Variants in GNG4 observed in about 807,000 individuals in gnomAD.
GNG4 encodes the protein G protein subunit gamma 4.
GNG4 carries 4 observed loss-of-function variants against 5.8 expected under a neutral mutation model. The observed-to-expected ratio is 0.69, with a 90% CI of 0.34 to 1.57. GNG4 has a LOEUF of 1.57. Among genes scored for constraint, GNG4 ranks in the 40% most tolerant of loss-of-function variants. The pLI is 0.06. For synonymous variants in GNG4, 29 were observed against 32.9 expected, an observed-to-expected ratio of 0.88 and a Z score of 0.41; for missense variants, 96 against 95.1, an observed-to-expected ratio of 1.01 and a Z score of -0.04.
chr1:235,631,487 G>A (rs566318121), intron 1 of GNG4, among the ~76,000 whole-genome samples: 1 of 152,234 alleles, frequency 6.6e-6, no homozygotes, highest in Non-Finnish European at 1.5e-5. Context: ...TGCTCTGAGC[G>A]GAGGCTCGGT....
Position 235,583,748 on chromosome 1 carries a change from T to C in GNG4, c.91A>G (p.Arg31Gly). Reference sequence around the variant, plus strand: ...GACGCATGCATGCTTACCTTGACCCTGTCCATACAGGCTTCCATCTTTAGC... The same window carrying C: ...GACGCATGCATGCTTACCTTGACCCCGTCCATACAGGCTTCCATCTTTAGC... ...EQLKMEACMD[R>G]VKVSQAAADL... The change falls in exon 3 of 4, where the codon AGG (arginine) becomes GGG (glycine). Residue 31 changes from arginine (R) to glycine (G), a missense_variant. By Grantham distance (125) the Arg-to-Gly change is moderately radical. Coordinates refer to ENST00000391854, the MANE Select transcript of GNG4 (RefSeq NM_001098722.2). 6.2e-7 allele frequency: 1 copy of C among 1,608,408 alleles called. No homozygotes were observed. The highest frequency in any genetic ancestry group is 8.5e-7 in the Non-Finnish European group (1 of 1,174,802).
chr1:235,590,521 G>A (rs1400506401), intron 2 of GNG4, among the ~76,000 whole-genome samples: 2 of 152,154 alleles, frequency 1.3e-5, no homozygotes, highest in Admixed American at 6.5e-5. Context: ...TAAAGGAAGA[G>A]ATTCTAATGT....
At chr1:235,598,663 C>T (rs180793898) in intron 1 of GNG4, among the ~76,000 whole-genome samples, 4 of 151,992 alleles carry the variant, frequency 2.6e-5, no homozygotes, top group Non-Finnish European at 5.9e-5. Flanking sequence ...AAGTCAAACC[C>T]CAGGCCCTTT....
intron 1 of GNG4, among the ~76,000 whole-genome samples, chr1:235,628,010 G>A (rs575348390): frequency 5.4e-4 from 82 of 152,090 alleles, no homozygotes; most frequent in Non-Finnish European, 9.0e-4. Context: ...AAGAAACCCC[G>A]TCTCTACTAC....
intron 1 of GNG4, among the ~76,000 whole-genome samples, chr1:235,603,243 C>CA (rs1159498545): frequency 7.1e-6 from 1 of 140,330 alleles, no homozygotes; most frequent in Non-Finnish European, 1.5e-5. Flanking sequence ...GACTCTATCT[C>CA]AATAATGATA....
At chr1:235,619,765 T>C (rs1226645079) in intron 1 of GNG4, among the ~76,000 whole-genome samples, 1 of 152,206 alleles carries the variant, frequency 6.6e-6, no homozygotes, top group East Asian at 1.9e-4. Flanking sequence ...TACCAGAAAA[T>C]AACACTCAAA....
At chr1:235,593,857 CCAGAGTGAGCAGCAG>C (rs1033388169) in intron 2 of GNG4, among the ~76,000 whole-genome samples, 5 of 152,106 alleles carry the variant, frequency 3.3e-5, no homozygotes, top group Non-Finnish European at 5.9e-5. Flanking sequence ...CAGTGGGGGC[CCAGAGTGAGCAGCAG>C]CAGAATTTGT....
At chr1:235,649,959 A>T (rs1254883439), upstream of GNG4, 1 of 148,468 alleles carries the variant, frequency 6.7e-6, no homozygotes, top group East Asian at 2.0e-4. The surrounding 1 kb of genome is among the most constrained non-coding windows in gnomAD (Gnocchi z 5.7). Flanking sequence ...CAGACTGGGG[A>T]AGGGAGAGCC....
chr1:235,595,734 C>T (rs750091653), intron 1 of GNG4, among the ~76,000 whole-genome samples: 1 of 152,156 alleles, frequency 6.6e-6, no homozygotes, highest in African/African-American at 2.4e-5. Flanking sequence ...ACTTCAGGGC[C>T]ACAGGCCACC....
chr1:235,620,202 A>G (rs1388789258), intron 1 of GNG4, among the ~76,000 whole-genome samples: 1 of 152,134 alleles, frequency 6.6e-6, no homozygotes, highest in East Asian at 1.9e-4. Flanking sequence ...TGTCTCTATT[A>G]AAAATATAAA....
chr1:235,607,799 G>C (rs917632588), intron 1 of GNG4, among the ~76,000 whole-genome samples: 1 of 152,094 alleles, frequency 6.6e-6, no homozygotes, highest in African/African-American at 2.4e-5. Context: ...GCCTCTCTCC[G>C]GGAGGGTGTC....
At chr1:235,587,686 C>G (rs556688732) in intron 2 of GNG4, among the ~76,000 whole-genome samples, 1 of 18,120 alleles carries the variant, frequency 5.5e-5, no homozygotes, top group South Asian at 2.2e-3. Flanking sequence ...GGTATGTGTG[C>G]GAGTGTTGGG....
intron 3 of GNG4, among the ~76,000 whole-genome samples, chr1:235,561,718 C>T (rs1235375334): frequency 6.6e-6 from 1 of 152,168 alleles, no homozygotes; most frequent in East Asian, 1.9e-4. Context: ...GGATACAAGT[C>T]TTTTATCAGG....
At chr1:235,592,056 GT>G (rs2102952322) in intron 2 of GNG4, among the ~76,000 whole-genome samples, 1 of 152,350 alleles carries the variant, frequency 6.6e-6, no homozygotes, top group East Asian at 1.9e-4. Context: ...ATTACGAGAT[GT>G]TTGGTTTCCC....
chr1:235,569,642 C>G (rs982364068), intron 3 of GNG4, among the ~76,000 whole-genome samples: 5 of 151,682 alleles, frequency 3.3e-5, no homozygotes, highest in African/African-American at 9.7e-5. Context: ...TTTACTGAAG[C>G]AGTGTTTGAA....
At chr1:235,593,798 C>T (rs1175114456) in intron 2 of GNG4, among the ~76,000 whole-genome samples, 1 of 152,104 alleles carries the variant, frequency 6.6e-6, no homozygotes, top group Non-Finnish European at 1.5e-5. Flanking sequence ...TCGCTGGCTT[C>T]AGGAGTGAAG....
intron 3 of GNG4, among the ~76,000 whole-genome samples, chr1:235,577,213 A>G (rs915783470): frequency 6.6e-6 from 1 of 151,982 alleles, no homozygotes; most frequent in Non-Finnish European, 1.5e-5. Context: ...TCCTGCTGGT[A>G]CCTGCCCTCG....
chr1:235,650,261 G>GC (rs1657643999), upstream of GNG4, among the ~76,000 whole-genome samples: 2 of 18,952 alleles, frequency 1.1e-4, no homozygotes, highest in African/African-American at 1.8e-4. Flanking sequence ...GTAAATCACT[G>GC]GGGGGGGGTC....
intron 1 of GNG4, among the ~76,000 whole-genome samples, chr1:235,640,751 C>A (rs967890340): frequency 6.6e-6 from 1 of 152,236 alleles, no homozygotes; most frequent in Non-Finnish European, 1.5e-5. Context: ...GGGGCCACCA[C>A]CCCCTGCAGG....
Sources: gnomAD v4.1 joint callset for allele counts (sites outside exome capture counted in the v4.1 genomes callset) on GRCh38, gnomAD v4.1.1 for gene constraint, Gnocchi (gnomAD v3.1) non-coding constraint, MANE v1.5 for transcripts, NCBI Gene and HGNC (gene_info 2026-07-23, HGNC 2026-07-21) for gene names.